Variants in NELL1 observed in about 807,000 individuals in gnomAD.
NELL1 encodes protein kinase C-binding protein NELL1.
A neutral mutation model predicts 107.4 loss-of-function variants in NELL1; 76 were observed. That is an observed-to-expected ratio of 0.71 (90% CI 0.59 to 0.86). The LOEUF is 0.86. Ranked by LOEUF, NELL1 falls within the 40% of genes least tolerant of loss-of-function variation. The pLI is 0.00. For missense variants in NELL1, 1,024 were observed against 1,005.5 expected (o/e 1.02, Z -0.25); for synonymous variants, 353 against 341.2 (o/e 1.03, Z -0.38).
chr11:20,874,307 A>T (rs750269149), intron 4 of NELL1, among the ~76,000 whole-genome samples: 2 of 152,282 alleles, frequency 1.3e-5, no homozygotes, highest in Non-Finnish European at 2.9e-5. Context: ...ACCTCAGGTG[A>T]TCCACCCACC....
chr11:20,771,608 C>A (rs773337073), intron 2 of NELL1, among the ~76,000 whole-genome samples: 14 of 152,126 alleles, frequency 9.2e-5, no homozygotes, highest in Admixed American at 2.0e-4. Context: ...CCCCAAGATA[C>A]CTCTAAGTTC....
intron 14 of NELL1, among the ~76,000 whole-genome samples, chr11:21,309,534 T>C (rs867124350): frequency 3.3e-5 from 5 of 151,834 alleles, no homozygotes; most frequent in South Asian, 2.1e-4. Context: ...AATCTTTCAC[T>C]TTACAAATAC....
intron 13 of NELL1, among the ~76,000 whole-genome samples, chr11:21,137,363 T>A (rs534015811): frequency 2.4e-3 from 371 of 152,110 alleles, no homozygotes; most frequent in African/African-American, 7.3e-3. Context: ...CAGAAAGAGT[T>A]GGTGGTTGGC....
intron 15 of NELL1, among the ~76,000 whole-genome samples, chr11:21,433,591 C>T (rs1015877014): frequency 6.6e-6 from 1 of 151,920 alleles, no homozygotes; most frequent in Non-Finnish European, 1.5e-5. Flanking sequence ...TATGATGAGA[C>T]CTTATTATGG....
In NELL1 at chr11:20,669,598, C is replaced by G; in HGVS notation, c.-126C>G. 3 of 746,882 alleles carry G rather than the reference C, an allele frequency of 4.0e-6. No homozygotes were observed. The highest frequency in any genetic ancestry group is 3.1e-5 in the East Asian group (1 of 32,184). The allele number at this position is 746,882 out of a possible 1,614,324, so 46.3% of individuals were successfully genotyped here. On this transcript the variant is annotated 5_prime_UTR_variant, in exon 1 of 20. Coordinates refer to ENST00000357134, the MANE Select transcript of NELL1 (RefSeq NM_006157.5). The surrounding 1 kb of genome is among the most constrained non-coding windows in gnomAD (Gnocchi z 4.4). ...ATGCGAGCGCAGCACCCGGCGCTGCCGAGCCACCTCCCCCGCCGCCCGCTA... is the reference window on the plus strand; with the variant it reads ...ATGCGAGCGCAGCACCCGGCGCTGCGGAGCCACCTCCCCCGCCGCCCGCTA...
At chr11:21,288,722 G>GT (rs1330307341) in intron 14 of NELL1, among the ~76,000 whole-genome samples, 1 of 152,222 alleles carries the variant, frequency 6.6e-6, no homozygotes. Flanking sequence ...CCAAACATTA[G>GT]TGAGTTCGAA....
intron 3 of NELL1, among the ~76,000 whole-genome samples, chr11:20,824,055 G>A (rs1857819258): frequency 6.6e-6 from 1 of 151,328 alleles, no homozygotes; most frequent in Middle Eastern, 3.4e-3. Context: ...CCATGTGTTG[G>A]GAGAGGGACC....
intron 15 of NELL1, among the ~76,000 whole-genome samples, chr11:21,532,910 G>T (rs1007463409): frequency 6.6e-6 from 1 of 152,136 alleles, no homozygotes; most frequent in Non-Finnish European, 1.5e-5. Context: ...TCCAACATAT[G>T]TCCCAGAGAA....
At chr11:20,837,933 A>G (rs1848562459) in intron 3 of NELL1, among the ~76,000 whole-genome samples, 4 of 152,140 alleles carry the variant, frequency 2.6e-5, no homozygotes, top group African/African-American at 9.7e-5. Context: ...GAGGTGGAAT[A>G]TAACTCCCCA....
At chr11:21,479,558 G>A (rs1472977764) in intron 15 of NELL1, among the ~76,000 whole-genome samples, 1 of 152,092 alleles carries the variant, frequency 6.6e-6, no homozygotes, top group Non-Finnish European at 1.5e-5. Context: ...GTGGGTAGGA[G>A]GGAAGTGGTT....
At chr11:21,474,823 G>C (rs1854282633) in intron 15 of NELL1, among the ~76,000 whole-genome samples, 1 of 152,094 alleles carries the variant, frequency 6.6e-6, no homozygotes, top group Non-Finnish European at 1.5e-5. Flanking sequence ...ACTACACATA[G>C]TAATCATTAA....
chr11:20,964,923 T>C (rs900056251), intron 12 of NELL1, among the ~76,000 whole-genome samples: 1 of 152,080 alleles, frequency 6.6e-6, no homozygotes, highest in Admixed American at 6.6e-5. Context: ...AGGTGATGGG[T>C]ATGTGGCATG....
chr11:20,945,703 A>G (rs1850948130), intron 10 of NELL1, among the ~76,000 whole-genome samples: 1 of 152,172 alleles, frequency 6.6e-6, no homozygotes, highest in African/African-American at 2.4e-5. Context: ...ATTGATTGGT[A>G]ATAACTGGTT....
chr11:20,697,377 A>T (rs930068893), intron 2 of NELL1, among the ~76,000 whole-genome samples: 1 of 148,202 alleles, frequency 6.7e-6, no homozygotes, highest in Non-Finnish European at 1.5e-5. Context: ...GCATGAGTGC[A>T]AATTCTTTAA....
At chr11:20,812,928 A>G (rs1857532204) in intron 3 of NELL1, among the ~76,000 whole-genome samples, 1 of 140,254 alleles carries the variant, frequency 7.1e-6, no homozygotes, top group South Asian at 2.4e-4. Flanking sequence ...GAATGGCGTG[A>G]ACCCCAGGGG....
At chr11:20,774,432 A>G (rs1004207153) in intron 2 of NELL1, among the ~76,000 whole-genome samples, 3 of 124,294 alleles carry the variant, frequency 2.4e-5, no homozygotes, top group South Asian at 2.6e-4. Context: ...CTTTCTCACT[A>G]TGTTCCTCAG....
intron 14 of NELL1, among the ~76,000 whole-genome samples, chr11:21,282,520 C>G (rs1849021336): frequency 6.8e-6 from 1 of 147,832 alleles, no homozygotes; most frequent in Non-Finnish European, 1.5e-5. Context: ...AAAAGATCAG[C>G]AATAAGATGC....
intron 3 of NELL1, among the ~76,000 whole-genome samples, chr11:20,789,022 C>T (rs1319628591): frequency 2.0e-5 from 3 of 152,072 alleles, no homozygotes; most frequent in East Asian, 1.9e-4. Context: ...GTATTGGCAC[C>T]CTGTTGAAGA....
chr11:21,155,706 G>T (rs1266430015), intron 13 of NELL1, among the ~76,000 whole-genome samples: 2 of 152,056 alleles, frequency 1.3e-5, no homozygotes, highest in African/African-American at 4.8e-5. Flanking sequence ...TATATTAAAT[G>T]GTGAATGAGT....
Sources: allele counts gnomAD v4.1 joint callset (sites outside exome capture counted in the v4.1 genomes callset), GRCh38; gene constraint gnomAD v4.1.1; non-coding constraint Gnocchi (gnomAD v3.1); transcripts MANE v1.5; gene names NCBI Gene and HGNC (gene_info 2026-07-23, HGNC 2026-07-21).